ADGRB3: variants seen among roughly 807,000 people sequenced by gnomAD.
ADGRB3 encodes adhesion G protein-coupled receptor B3.
Under a neutral mutation model 193.4 loss-of-function variants are expected in ADGRB3, and 37 were observed. The ratio of observed to expected loss-of-function variants is 0.19; its 90% CI spans 0.15 to 0.25. The LOEUF is 0.25. Ranked by LOEUF, ADGRB3 falls within the 10% of genes least tolerant of loss-of-function variation. The pLI, the probability that ADGRB3 is intolerant of heterozygous loss-of-function variation, is 1.00. For synonymous variants in ADGRB3, 690 were observed against 644.2 expected (o/e 1.07, Z -1.08); for missense variants, 1,637 against 1,852.9 (o/e 0.88, Z 2.14).
At chr6:69,146,355 G>C (rs779740959) in intron 17 of ADGRB3, among the ~76,000 whole-genome samples, 2 of 152,226 alleles carry the variant, frequency 1.3e-5, no homozygotes, top group African/African-American at 2.4e-5. Flanking sequence ...GGAGAATCCA[G>C]ACAGAGGAAA....
chr6:69,311,278 G>A (rs1473214665), intron 20 of ADGRB3, among the ~76,000 whole-genome samples: 1 of 151,740 alleles, frequency 6.6e-6, no homozygotes, highest in East Asian at 1.9e-4. Flanking sequence ...ATGGGATGGT[G>A]CATTCAAAGA....
intron 3 of ADGRB3, among the ~76,000 whole-genome samples, chr6:68,890,625 A>G (rs1392927572): frequency 6.6e-6 from 1 of 152,206 alleles, no homozygotes; most frequent in Non-Finnish European, 1.5e-5. Context: ...TCTTGATCTT[A>G]GAGGTTAACA....
intron 20 of ADGRB3, among the ~76,000 whole-genome samples, chr6:69,265,030 C>A (rs984793115): frequency 6.6e-6 from 1 of 151,914 alleles, no homozygotes; most frequent in Non-Finnish European, 1.5e-5. Flanking sequence ...CGTGCAAATT[C>A]TCTTACTGAA....
rs1259503186 is a variant in ADGRB3 at position 69,388,889 on chromosome 6, T to TA, written c.*5dup. The TA allele has an allele frequency of 3.7e-6, 6 of 1,609,302 alleles. No homozygotes were observed. In the South Asian group the frequency reaches 5.5e-5, roughly 15 times the overall value. The change falls in exon 32 of 32, where the codon TAA becomes TAAA. Residue 1523 remains the stop codon, a frameshift_variant and stop_retained_variant. Transcript: ENST00000370598. LOFTEE classifies it high-confidence loss of function. ...AGAGGGTGACTTTCAAACAGAAGTT[T>TA]AAAAAAATCAAAATGGACTAAGGTA... ...VQEGDFQTEV[*] is the part of the protein sequence containing the mutation.
rs151213277 is a variant in ADGRB3, at chr6:69,336,167, A to G, written c.3189-2749A>G. ...TTTATACTCAGGTATTAAGCCTAGT[A>G]CCCATTAGTTTACCAAGAAGGAATT... On this transcript the variant is annotated intron_variant, in intron 24 of 31. Transcript: ENST00000370598. Among the ~76,000 whole-genome samples the G allele has an allele frequency of 1.3e-3, 204 of 152,162 alleles. 2 individuals carry two copies. The East Asian group carries it at 0.031, about 23-fold the overall frequency.
chr6:68,978,116 A>C (rs1453154808), intron 10 of ADGRB3, among the ~76,000 whole-genome samples: 3 of 151,596 alleles, frequency 2.0e-5, no homozygotes, highest in Non-Finnish European at 4.4e-5. Flanking sequence ...CAAATGAGAT[A>C]TGTGGAATAA....
At chr6:68,898,167 C>G (rs1766293460) in intron 3 of ADGRB3, among the ~76,000 whole-genome samples, 1 of 151,742 alleles carries the variant, frequency 6.6e-6, no homozygotes, top group African/African-American at 2.4e-5. Flanking sequence ...GACCAAATCC[C>G]AAGGCCTGAG....
chr6:69,067,540 A>G (rs1217895739), intron 16 of ADGRB3, among the ~76,000 whole-genome samples: 1 of 152,174 alleles, frequency 6.6e-6, no homozygotes, highest in Non-Finnish European at 1.5e-5. Context: ...TTAATAACCT[A>G]AGGATTTAAA....
intron 20 of ADGRB3, among the ~76,000 whole-genome samples, chr6:69,296,138 T>A (rs749748805): frequency 9.9e-5 from 15 of 152,154 alleles, no homozygotes; most frequent in Non-Finnish European, 1.9e-4. Context: ...TCATCAAACA[T>A]GGAACCTTTT....
intron 8 of ADGRB3, among the ~76,000 whole-genome samples, chr6:68,974,408 G>C (rs1288242335): frequency 1.3e-5 from 2 of 152,072 alleles, no homozygotes; most frequent in Admixed American, 1.3e-4. Flanking sequence ...CTATAATCCT[G>C]GCACTTTGGG....
chr6:69,212,367 T>C (rs975321514), intron 17 of ADGRB3, among the ~76,000 whole-genome samples: 2 of 152,042 alleles, frequency 1.3e-5, no homozygotes, highest in Non-Finnish European at 2.9e-5. Flanking sequence ...TGTTTAAGAG[T>C]ATTTCAGACC....
chr6:68,661,317 G>A (rs1768626002), intron 3 of ADGRB3, among the ~76,000 whole-genome samples: 1 of 118,780 alleles, frequency 8.4e-6, no homozygotes, highest in South Asian at 2.8e-4. Context: ...GTGTGTGTGT[G>A]TGTGTGTGTA....
intron 11 of ADGRB3, among the ~76,000 whole-genome samples, chr6:69,005,434 G>A (rs1769719330): frequency 6.6e-6 from 1 of 151,816 alleles, no homozygotes; most frequent in South Asian, 2.1e-4. Flanking sequence ...TTACATCATG[G>A]CAAAGCAATG....
At chr6:68,980,942 A>T (rs184227464) in intron 10 of ADGRB3, among the ~76,000 whole-genome samples, 7 of 151,674 alleles carry the variant, frequency 4.6e-5, no homozygotes, top group Admixed American at 4.0e-4. Flanking sequence ...AGACCAATTA[A>T]ACAGGATTGT....
chr6:68,811,513 G>C (rs997177886), intron 3 of ADGRB3, among the ~76,000 whole-genome samples: 1 of 152,006 alleles, frequency 6.6e-6, no homozygotes. Context: ...CTGCTGCCCA[G>C]GCTGGAGTGC....
At chr6:69,319,699 C>CT (rs1454433341) in intron 20 of ADGRB3, among the ~76,000 whole-genome samples, 3 of 151,254 alleles carry the variant, frequency 2.0e-5, no homozygotes, top group Non-Finnish European at 4.4e-5. Flanking sequence ...CCCTCTTCAT[C>CT]TTTTTTATTT....
chr6:69,144,498 G>A (rs1177735284), intron 17 of ADGRB3, among the ~76,000 whole-genome samples: 2 of 152,096 alleles, frequency 1.3e-5, no homozygotes, highest in East Asian at 3.9e-4. Context: ...GATCTTAGAA[G>A]GAAGGCTTTT....
In ADGRB3 at chr6:69,262,227, C is replaced by A. The variant is rs1766945645; in HGVS notation, c.2814+23001C>A. Among the ~76,000 whole-genome samples the A allele has an allele frequency of 2.0e-5, 3 of 152,132 alleles. No individual in the cohort carries two copies. The South Asian group carries it at 6.2e-4, about 31-fold the overall frequency. On this transcript the variant is annotated intron_variant, in intron 20 of 31. Transcript: ENST00000370598. ...AGCGATCACATCTTAAAGGAAAAAGCATAATTTTATTTGCCTGCTTATTTT... is the reference window on the plus strand; with the variant it reads ...AGCGATCACATCTTAAAGGAAAAAGAATAATTTTATTTGCCTGCTTATTTT...
chr6:69,372,555 A>T, intron 30 of ADGRB3, 114 bp downstream of exon 30: 1 of 435,828 alleles, frequency 2.3e-6, no homozygotes, highest in East Asian at 4.1e-5. Flanking sequence ...GTACTAATTT[A>T]ATTAAATAAG....
Sources: gnomAD v4.1 joint callset for allele counts (sites outside exome capture counted in the v4.1 genomes callset) on GRCh38, gnomAD v4.1.1 for gene constraint, MANE v1.5 for transcripts, NCBI Gene and HGNC (gene_info 2026-07-23, HGNC 2026-07-21) for gene names.